Variants in PRICKLE2 observed in about 807,000 individuals in gnomAD.
PRICKLE2 encodes the protein prickle planar cell polarity protein 2.
Under a neutral mutation model 81.4 loss-of-function variants are expected in PRICKLE2, and 21 were observed. The observed-to-expected ratio is 0.26, with a 90% confidence interval of 0.18 to 0.37. PRICKLE2 has a LOEUF of 0.37. Ranked by LOEUF, PRICKLE2 falls within the 10% of genes least tolerant of loss-of-function variation. The pLI, the probability that PRICKLE2 is intolerant of heterozygous loss-of-function variation, is 1.00. For missense variants in PRICKLE2, 940 were observed against 1,109.0 expected (o/e 0.85, Z 2.16); for synonymous variants, 456 against 421.5 (o/e 1.08, Z -1.00).
At chr3:64,242,061 GA>G (rs1317557731) in intron 2 of PRICKLE2, among the ~76,000 whole-genome samples, 2 of 152,086 alleles carry the variant, frequency 1.3e-5, no homozygotes, top group African/African-American at 4.8e-5. Context: ...GGAAGCTTGG[GA>G]TGCCAAGTGT....
At chr3:64,172,029 C>A (rs78217347) in intron 2 of PRICKLE2, among the ~76,000 whole-genome samples, 1 of 152,232 alleles carries the variant, frequency 6.6e-6, no homozygotes, top group African/African-American at 2.4e-5. Context: ...TGCTCCTATG[C>A]CTGTTAGTTC....
At chr3:64,161,807 C>T (rs1448504843) in intron 3 of PRICKLE2, among the ~76,000 whole-genome samples, 1 of 150,986 alleles carries the variant, frequency 6.6e-6, no homozygotes, top group African/African-American at 2.4e-5. Context: ...ACACCACTGA[C>T]ATTTTAGGGA....
In PRICKLE2 at chr3:64,225,293, G is replaced by C. The variant is rs913833179; in HGVS notation, c.-424C>G. On this transcript the variant is annotated 5_prime_UTR_variant, in exon 1 of 8. Coordinates refer to ENST00000638394, the MANE Select transcript of PRICKLE2 (RefSeq NM_198859.4). ...CCTTCTTCATGACAATCTGAAGGAA[G>C]AAGTCATAGACTCCAGCCCAGCGTC... 2 of 985,378 alleles carry C rather than the reference G, an allele frequency of 2.0e-6. No individual in the cohort carries two copies. Among genetic ancestry groups the C allele is most frequent in the African/African-American group, 3.5e-5 (2 of 57,240 alleles). 61.0% of individuals were successfully genotyped at this position (985,378 alleles called of 1,614,324 possible). A position where few individuals can be genotyped will look rare whatever the true frequency, so the allele number is the denominator to read the frequency against.
chr3:64,258,893 G>GAAAGAAAGAAAGAAAGAAATAAAT (rs796940955), intron 2 of PRICKLE2, among the ~76,000 whole-genome samples: 27 of 141,052 alleles, frequency 1.9e-4, no homozygotes, highest in African/African-American at 6.9e-4. Flanking sequence ...AAGAAAGAAA[G>GAAAGAAAGAAAGAAAGAAATAAAT]AAATCAGGAG....
chr3:64,193,775 T>C (rs1349475952), intron 2 of PRICKLE2, among the ~76,000 whole-genome samples: 1 of 152,166 alleles, frequency 6.6e-6, no homozygotes, highest in Admixed American at 6.5e-5. Flanking sequence ...TGATGGTTAC[T>C]ATAAGGAGGA....
intron 2 of PRICKLE2, among the ~76,000 whole-genome samples, chr3:64,260,995 G>C (rs2079608328): frequency 1.3e-5 from 2 of 152,122 alleles, no homozygotes; most frequent in South Asian, 4.2e-4. Context: ...CAGAAGCTTG[G>C]GGTCTTCAGA....
intron 1 of PRICKLE2, 46 bp from the exon 2 acceptor site, chr3:64,199,013 T>G (rs766459722): frequency 1.9e-6 from 3 of 1,583,736 alleles, no homozygotes; most frequent in Admixed American, 3.4e-5. Flanking sequence ...AAAAACCTTT[T>G]TTTTTTTCCA....
At chr3:64,195,308 T>G (rs696227) in intron 2 of PRICKLE2, among the ~76,000 whole-genome samples, 1 of 152,116 alleles carries the variant, frequency 6.6e-6, no homozygotes, top group Non-Finnish European at 1.5e-5. Flanking sequence ...TTTTATGAAA[T>G]TAAATGTCCG....
intron 7 of PRICKLE2, among the ~76,000 whole-genome samples, chr3:64,110,692 A>C (rs1242052407): frequency 6.6e-6 from 1 of 152,128 alleles, no homozygotes; most frequent in Non-Finnish European, 1.5e-5. Context: ...GGGAGCAAGA[A>C]TATTTTGTAC....
intron 2 of PRICKLE2, among the ~76,000 whole-genome samples, chr3:64,166,399 G>C (rs1410036946): frequency 6.6e-6 from 1 of 152,098 alleles, no homozygotes; most frequent in Non-Finnish European, 1.5e-5. Context: ...ACTGAGTGAA[G>C]GTGCAGCCAG....
At chr3:64,242,826 G>A (rs1209130099) in intron 2 of PRICKLE2, among the ~76,000 whole-genome samples, 1 of 152,172 alleles carries the variant, frequency 6.6e-6, no homozygotes, top group African/African-American at 2.4e-5. Flanking sequence ...GAGTGTACCT[G>A]GTCATCTGTA....
At chr3:64,240,106 G>A (rs537382234) in intron 2 of PRICKLE2, among the ~76,000 whole-genome samples, 6 of 152,104 alleles carry the variant, frequency 3.9e-5, no homozygotes, top group Non-Finnish European at 8.8e-5. Flanking sequence ...CTGTGCGACA[G>A]AGACCCTGTC....
chr3:64,143,376 G>A (rs1304149053), intron 7 of PRICKLE2, among the ~76,000 whole-genome samples: 2 of 152,022 alleles, frequency 1.3e-5, no homozygotes, highest in Non-Finnish European at 2.9e-5. Context: ...CCAAAAATCT[G>A]AGGCAAAGGG....
intron 3 of PRICKLE2, among the ~76,000 whole-genome samples, chr3:64,162,574 G>A (rs2077752554): frequency 6.6e-6 from 1 of 152,216 alleles, no homozygotes; most frequent in African/African-American, 2.4e-5. Flanking sequence ...GCAGTGTAGT[G>A]TGGAAAACTT....
At chr3:64,128,034 G>A (rs1019452311) in intron 7 of PRICKLE2, among the ~76,000 whole-genome samples, 3 of 152,052 alleles carry the variant, frequency 2.0e-5, no homozygotes, top group South Asian at 2.1e-4. Flanking sequence ...ATCAAAAAAA[G>A]TTCCACTTCT....
intron 1 of PRICKLE2, among the ~76,000 whole-genome samples, chr3:64,205,769 G>A (rs2078677252): frequency 6.6e-6 from 1 of 152,054 alleles, no homozygotes; most frequent in Non-Finnish European, 1.5e-5. Flanking sequence ...AATACATTTT[G>A]TAAAAGAATT....
At chr3:64,160,734 T>C (rs139767975) in intron 3 of PRICKLE2, among the ~76,000 whole-genome samples, 145 of 152,296 alleles carry the variant, frequency 9.5e-4, no homozygotes, top group Admixed American at 1.8e-3. Context: ...TTGTTAAATA[T>C]AGAAACTCAG....
chr3:64,259,056 T>C lies in PRICKLE2; in HGVS notation c.129-60089A>G, dbSNP rs116785066. On this transcript the variant is annotated intron_variant, in intron 2 of 8. Coordinates refer to the PRICKLE2 transcript ENST00000295902. ...TGATAAGTTCACTCTCCTATATGGA[T>C]ATATTACACTTCAGTGAAAAGATCT... Among the ~76,000 whole-genome samples, 446 of 152,208 alleles carry C rather than the reference T, an allele frequency of 2.9e-3. 4 individuals are homozygous for C. The highest frequency in any genetic ancestry group is 0.01 in the African/African-American group (423 of 41,536).
intron 3 of PRICKLE2, among the ~76,000 whole-genome samples, chr3:64,161,137 C>T (rs1030892164): frequency 6.6e-6 from 1 of 152,166 alleles, no homozygotes; most frequent in African/African-American, 2.4e-5. Flanking sequence ...TATGAGACAC[C>T]TGCTAGCACT....
Sources: allele counts gnomAD v4.1 joint callset (sites outside exome capture counted in the v4.1 genomes callset), GRCh38; gene constraint gnomAD v4.1.1; transcripts MANE v1.5; gene names NCBI Gene and HGNC (gene_info 2026-07-23, HGNC 2026-07-21).